BCAS1: variants seen among roughly 807,000 people sequenced by gnomAD.
BCAS1 encodes brain enriched myelin associated protein 1.
BCAS1 carries 46 observed loss-of-function variants against 65.4 expected under a neutral mutation model. The ratio of observed to expected loss-of-function variants is 0.70; its 90% CI spans 0.55 to 0.90. The LOEUF (loss-of-function observed/expected upper bound fraction) is 0.90, where lower values mean the gene tolerates loss of function less well. Among genes scored for constraint, BCAS1 ranks in the 40% least tolerant of loss-of-function variants. The pLI, the probability that BCAS1 is intolerant of heterozygous loss-of-function variation, is 0.00. For missense variants in BCAS1, 793 were observed against 771.2 expected (o/e 1.03, Z -0.33); for synonymous variants, 298 against 293.5 (o/e 1.02, Z -0.16).
chr20:53,984,819 G>A (rs1420598880), intron 8 of BCAS1, among the ~76,000 whole-genome samples: 1 of 152,110 alleles, frequency 6.6e-6, no homozygotes, highest in Non-Finnish European at 1.5e-5. Context: ...GTGAACTGAT[G>A]GACACCCTAG....
intron 9 of BCAS1, among the ~76,000 whole-genome samples, chr20:53,974,085 T>C (rs2090258913): frequency 6.6e-6 from 1 of 152,012 alleles, no homozygotes; most frequent in Admixed American, 6.6e-5. Flanking sequence ...CAGTGCTCTG[T>C]GTCTAGCAAA....
At chr20:54,016,616 G>A (rs6013874) in intron 4 of BCAS1, among the ~76,000 whole-genome samples, 5,930 of 152,228 alleles carry the variant, frequency 0.039, 150 homozygotes, top group African/African-American at 0.066. Context: ...CTGCCAAAGC[G>A]CCACGGTGGA....
At chr20:54,051,029 T>G (rs1348040439) in intron 3 of BCAS1, among the ~76,000 whole-genome samples, 1 of 152,192 alleles carries the variant, frequency 6.6e-6, no homozygotes, top group African/African-American at 2.4e-5. Context: ...TCTCTTCTCT[T>G]TTTAGCTTTT....
chr20:53,960,049 A>G lies in BCAS1; in HGVS notation c.1486-2552T>C, dbSNP rs560770975. Among the ~76,000 whole-genome samples, 40 of 152,322 alleles carry G rather than the reference A, an allele frequency of 2.6e-4. No homozygotes were observed. In the South Asian group the frequency reaches 4.3e-3, roughly 17 times the overall value. ...GTAAGAGCCCTTCCTACTCAAGCCC[A>G]TTCCCAAGTGGCCTTTACACTGTGG... On this transcript the variant is annotated intron_variant, in intron 10 of 12. Transcript: ENST00000688948.
At chr20:54,032,881 C>T (rs1269391306) in intron 3 of BCAS1, among the ~76,000 whole-genome samples, 1 of 150,994 alleles carries the variant, frequency 6.6e-6, no homozygotes, top group Non-Finnish European at 1.5e-5. Flanking sequence ...TAGTGGGAGA[C>T]TTTAATACCC....
intron 3 of BCAS1, among the ~76,000 whole-genome samples, chr20:54,029,541 T>C (rs1347004764): frequency 1.3e-5 from 2 of 152,218 alleles, no homozygotes; most frequent in East Asian, 3.8e-4. Flanking sequence ...CAAAATCTCT[T>C]ACGTTTGAGA....
intron 4 of BCAS1, among the ~76,000 whole-genome samples, chr20:53,997,045 C>T (rs930773339): frequency 6.6e-6 from 1 of 152,236 alleles, no homozygotes; most frequent in Non-Finnish European, 1.5e-5. Flanking sequence ...TAAGTGTCAT[C>T]TCTTTGGAGA....
At chr20:53,950,955 C>T (rs560295046) in intron 12 of BCAS1, among the ~76,000 whole-genome samples, 6 of 152,138 alleles carry the variant, frequency 3.9e-5, no homozygotes, top group Non-Finnish European at 8.8e-5. Context: ...TTTTTAATAC[C>T]CCTGGTCTAG....
intron 9 of BCAS1, among the ~76,000 whole-genome samples, chr20:53,969,949 A>C (rs149105674): frequency 6.6e-6 from 1 of 152,186 alleles, no homozygotes; most frequent in Non-Finnish European, 1.5e-5. Context: ...ACTAATCATG[A>C]TCAAATACTT....
At chr20:54,030,304 T>G (rs1415430445) in intron 3 of BCAS1, among the ~76,000 whole-genome samples, 1 of 152,236 alleles carries the variant, frequency 6.6e-6, no homozygotes, top group Non-Finnish European at 1.5e-5. Flanking sequence ...TCTCTTCATT[T>G]GTAAAATGGG....
rs112794955 is a variant in BCAS1 at position 54,020,617 on chromosome 20, C to T, written c.723+7775G>A. On this transcript the variant is annotated intron_variant, in intron 4 of 12. Coordinates refer to ENST00000688948, the MANE Select transcript of BCAS1 (RefSeq NM_001366298.2). ...TTCATTTAACAAACATTATTGGATG[C>T]CAACATGTGCCAGCCATTGTGCTAG... 9.7e-3 allele frequency among the ~76,000 whole-genome samples: 1,484 copies of T among 152,286 alleles called. 23 individuals are homozygous for T. Among genetic ancestry groups the T allele is most frequent in the African/African-American group, 0.034 (1,396 of 41,550 alleles).
chr20:53,965,864 G>C (rs1039743686), intron 10 of BCAS1, among the ~76,000 whole-genome samples: 23 of 151,934 alleles, frequency 1.5e-4, no homozygotes, highest in Admixed American at 1.4e-3. Flanking sequence ...TGACCACCAA[G>C]AGAAGGAAAC....
chr20:53,961,132 T>C (rs2089866576), intron 10 of BCAS1, among the ~76,000 whole-genome samples: 1 of 152,242 alleles, frequency 6.6e-6, no homozygotes, highest in Non-Finnish European at 1.5e-5. Flanking sequence ...TTCCTATAGC[T>C]TGATACTCTG....
intron 1 of BCAS1, among the ~76,000 whole-genome samples, chr20:54,068,004 G>C (rs1458349590): frequency 2.6e-5 from 4 of 152,212 alleles, no homozygotes; most frequent in Non-Finnish European, 4.4e-5. Flanking sequence ...CAGTCCTGCA[G>C]CTCCATGTGT....
chr20:54,058,753 A>G lies in BCAS1; in HGVS notation c.-5-30T>C, dbSNP rs183543308. 2.2e-3 allele frequency: 3,607 copies of G among 1,605,032 alleles called. 10 individuals are homozygous for G. The highest frequency in any genetic ancestry group is 2.9e-3 in the Non-Finnish European group (3,474 of 1,178,322). ...AATGGAGAGAAAGAGAGGAAGAGAG[A>G]AAGAAATCAAAACCAAACGAAGCTA... On this transcript the variant is annotated intron_variant, in intron 1 of 12. Coordinates refer to ENST00000688948, the MANE Select transcript of BCAS1 (RefSeq NM_001366298.2).
chr20:53,955,592 C>T (rs1268934320), intron 11 of BCAS1, among the ~76,000 whole-genome samples: 2 of 152,172 alleles, frequency 1.3e-5, no homozygotes, highest in Non-Finnish European at 2.9e-5. Context: ...TCCACCATAA[C>T]CTTGCTGTGT....
intron 4 of BCAS1, among the ~76,000 whole-genome samples, chr20:54,007,996 C>T (rs916259209): frequency 6.6e-6 from 1 of 152,194 alleles, no homozygotes; most frequent in Non-Finnish European, 1.5e-5. Flanking sequence ...AACCTGGAAA[C>T]ACCTATAGGC....
At chr20:54,008,902 C>T (rs2145942040) in intron 4 of BCAS1, among the ~76,000 whole-genome samples, 1 of 152,114 alleles carries the variant, frequency 6.6e-6, no homozygotes, top group South Asian at 2.1e-4. Flanking sequence ...CAGCCTCTGC[C>T]TACCGGGTTC....
intron 10 of BCAS1, among the ~76,000 whole-genome samples, chr20:53,965,475 A>G (rs765440788): frequency 2.6e-5 from 4 of 152,220 alleles, no homozygotes; most frequent in Non-Finnish European, 5.9e-5. Flanking sequence ...TTGTTCTCCA[A>G]CTGATTTAGG....
Sources: allele counts gnomAD v4.1 joint callset (sites outside exome capture counted in the v4.1 genomes callset), GRCh38; gene constraint gnomAD v4.1.1; transcripts MANE v1.5; gene names NCBI Gene and HGNC (gene_info 2026-07-23, HGNC 2026-07-21).